The following ANGPT4 variants were observed in gnomAD, a reference collection of about 807,000 sequenced individuals.
ANGPT4 encodes angiopoietin-4.
Under a neutral mutation model 53.0 loss-of-function variants are expected in ANGPT4, and 50 were observed. The ratio of observed to expected loss-of-function variants is 0.94; its 90% CI spans 0.75 to 1.20. The LOEUF is 1.20. ANGPT4 is among the 50% of genes most tolerant of loss of function. The pLI, the probability that ANGPT4 is intolerant of heterozygous loss-of-function variation, is 0.00. For missense variants in ANGPT4, 648 were observed against 637.1 expected (o/e 1.02, Z -0.18); for synonymous variants, 251 against 259.7 (o/e 0.97, Z 0.32).
intron 1 of ANGPT4, among the ~76,000 whole-genome samples, chr20:906,105 A>T (rs1430531660): frequency 6.6e-6 from 1 of 152,220 alleles, no homozygotes; most frequent in Non-Finnish European, 1.5e-5. Context: ...TCAACAAGTC[A>T]GGACTGGCTG....
intron 1 of ANGPT4, among the ~76,000 whole-genome samples, chr20:894,210 T>A (rs1981957564): frequency 6.6e-6 from 1 of 152,152 alleles, no homozygotes; most frequent in African/African-American, 2.4e-5. Flanking sequence ...ATTGGTTGGG[T>A]GTGAGCTAAG....
chr20:874,712 C>T (rs1981093382), intron 7 of ANGPT4, among the ~76,000 whole-genome samples: 1 of 152,152 alleles, frequency 6.6e-6, no homozygotes, highest in Non-Finnish European at 1.5e-5. Flanking sequence ...ATGGCTAATA[C>T]ATATACATTT....
At chr20:897,301 G>A (rs1417399475) in intron 1 of ANGPT4, among the ~76,000 whole-genome samples, 3 of 152,290 alleles carry the variant, frequency 2.0e-5, no homozygotes, top group East Asian at 1.9e-4. Context: ...CTCATTCCAT[G>A]AGGAGATCCA....
chr20:897,738 G>C (rs1982114146), intron 1 of ANGPT4, among the ~76,000 whole-genome samples: 1 of 152,134 alleles, frequency 6.6e-6, no homozygotes, highest in Admixed American at 6.6e-5. Context: ...CGTGTCTCTA[G>C]CTTTCTCTTT....
At chr20:896,111 T>TA (rs1982040626) in intron 1 of ANGPT4, among the ~76,000 whole-genome samples, 1 of 152,182 alleles carries the variant, frequency 6.6e-6, no homozygotes, top group Non-Finnish European at 1.5e-5. Flanking sequence ...CAGATATACA[T>TA]ATGTAACATT....
rs892503402 is a variant in ANGPT4, at chr20:911,426, A to T, written c.309+4480T>A. On this transcript the variant is annotated intron_variant, in intron 1 of 8. Coordinates refer to ENST00000381922, the MANE Select transcript of ANGPT4 (RefSeq NM_015985.4). This position sits in a 1 kb window ranked among gnomAD's most constrained non-coding sequence, Gnocchi z 4.9. Reference sequence around the variant, plus strand: ...GCAGGGTGGGCATTGGTCATTTGGCAGATGTGCCCTGGGTCTTCAGTGTGG... The same window carrying T: ...GCAGGGTGGGCATTGGTCATTTGGCTGATGTGCCCTGGGTCTTCAGTGTGG... Among the ~76,000 whole-genome samples the T allele has an allele frequency of 6.6e-6, 1 of 152,204 alleles. No homozygotes were observed. Among genetic ancestry groups the T allele is most frequent in the Non-Finnish European group, 1.5e-5 (1 of 68,034 alleles).
chr20:898,216 C>G (rs909542959), intron 1 of ANGPT4, among the ~76,000 whole-genome samples: 2 of 152,156 alleles, frequency 1.3e-5, no homozygotes, highest in Non-Finnish European at 2.9e-5. Context: ...TGAGCCAGGT[C>G]CCAATTCTTC....
intron 1 of ANGPT4, among the ~76,000 whole-genome samples, chr20:894,126 C>T (rs762102878): frequency 1.4e-4 from 21 of 152,182 alleles, no homozygotes; most frequent in Non-Finnish European, 2.6e-4. Context: ...TCCCACTGTG[C>T]TCTCAGGCAA....
intron 1 of ANGPT4, among the ~76,000 whole-genome samples, chr20:891,822 C>T (rs922702568): frequency 1.2e-4 from 19 of 152,184 alleles, no homozygotes; most frequent in African/African-American, 4.1e-4. Flanking sequence ...TGCTTGTGGG[C>T]GGTAGTAGTA....
intron 4 of ANGPT4, among the ~76,000 whole-genome samples, chr20:882,711 A>C (rs1981457139): frequency 6.6e-6 from 1 of 152,220 alleles, no homozygotes; most frequent in Admixed American, 6.5e-5. Flanking sequence ...CAGTAAGGCA[A>C]GGACAGAGCC....
chr20:910,310 C>T (rs1200609869), intron 1 of ANGPT4, among the ~76,000 whole-genome samples: 1 of 152,196 alleles, frequency 6.6e-6, no homozygotes, highest in East Asian at 1.9e-4. Context: ...TAAATGCTCA[C>T]TAAATGAGTG....
At chr20:890,476 G>T in intron 1 of ANGPT4, 108 bp from the exon 2 acceptor site, 1 of 1,018,286 alleles carries the variant, frequency 9.8e-7, no homozygotes, top group Non-Finnish European at 1.4e-6. Flanking sequence ...AGGCCTCCCT[G>T]GCTCAGAACA....
At chr20:915,314 C>G (rs567107835) in intron 1 of ANGPT4, among the ~76,000 whole-genome samples, 1 of 152,034 alleles carries the variant, frequency 6.6e-6, no homozygotes, top group Non-Finnish European at 1.5e-5. Flanking sequence ...GCTACACAGG[C>G]CTTCGCCCCA....
chr20:885,402 G>A, intron 3 of ANGPT4, 77 bp from the exon 4 acceptor site: 1 of 1,438,236 alleles, frequency 7.0e-7, no homozygotes, highest in South Asian at 1.5e-5. Flanking sequence ...CCCCGGCCCT[G>A]GAGTCCCTGC....
intron 1 of ANGPT4, among the ~76,000 whole-genome samples, chr20:915,654 C>G (rs775020889): frequency 2.0e-5 from 3 of 152,146 alleles, no homozygotes; most frequent in Non-Finnish European, 4.4e-5. Flanking sequence ...AGGCTTGGTC[C>G]GTTCAGCCCT....
rs138719444 is a variant in ANGPT4, at chr20:882,897, C to T, written c.836-1611G>A. Among the ~76,000 whole-genome samples the T allele has an allele frequency of 4.6e-5, 7 of 152,222 alleles. No individual in the cohort carries two copies. In the East Asian group the frequency reaches 1.4e-3, roughly 29 times the overall value. ...ATGTAATGCCAGGGGTAGTTTGGGG[C>T]CAGGAAAAATATTTTTGGGAGGCAT... On this transcript the variant is annotated intron_variant, in intron 4 of 8. Transcript: ENST00000381922.
chr20:903,268 C>A (rs1600061521), intron 1 of ANGPT4, among the ~76,000 whole-genome samples: 1 of 152,138 alleles, frequency 6.6e-6, no homozygotes, highest in Non-Finnish European at 1.5e-5. Flanking sequence ...AGGAAACTTA[C>A]CCTTCTAGTT....
chr20:886,565 C>A (rs1981627398), intron 3 of ANGPT4, among the ~76,000 whole-genome samples: 1 of 152,180 alleles, frequency 6.6e-6, no homozygotes, highest in South Asian at 2.1e-4. Context: ...TGTCCTAAGT[C>A]AAAAACTCAT....
rs1000836975 is a variant in ANGPT4 at position 911,164 on chromosome 20, A to G, written c.309+4742T>C. On this transcript the variant is annotated intron_variant, in intron 1 of 8. Transcript: ENST00000381922. This position sits in a 1 kb window ranked among gnomAD's most constrained non-coding sequence, Gnocchi z 4.9. ...TGGGAGGGTCTCAGGCTGGGCAAGGACCCCACCCTGGGTTCCTCCTTGGTG... is the reference window on the plus strand; with the variant it reads ...TGGGAGGGTCTCAGGCTGGGCAAGGGCCCCACCCTGGGTTCCTCCTTGGTG... Among the ~76,000 whole-genome samples the G allele has an allele frequency of 6.6e-6, 1 of 151,698 alleles. No homozygotes were observed. The highest frequency in any genetic ancestry group is 2.4e-5 in the African/African-American group (1 of 41,248).
Sources: gnomAD v4.1 joint callset for allele counts (sites outside exome capture counted in the v4.1 genomes callset) on GRCh38, gnomAD v4.1.1 for gene constraint, Gnocchi (gnomAD v3.1) non-coding constraint, MANE v1.5 for transcripts, NCBI Gene and HGNC (gene_info 2026-07-23, HGNC 2026-07-21) for gene names.